Variants in HIBCH observed in about 807,000 individuals in gnomAD.
HIBCH encodes the protein 3-hydroxyisobutyryl-CoA hydrolase.
Under a neutral mutation model 58.2 loss-of-function variants are expected in HIBCH, and 50 were observed. That is an observed-to-expected ratio of 0.86 (90% CI 0.68 to 1.09). The LOEUF is 1.09. Among genes scored for constraint, HIBCH ranks in the 50% least tolerant of loss-of-function variants. HIBCH has a pLI of 0.00. For synonymous variants in HIBCH, 151 were observed against 146.9 expected (o/e 1.03, Z -0.20); for missense variants, 450 against 449.7 (o/e 1.00, Z -0.01).
chr2:190,258,589 C>G (rs1348698677), intron 7 of HIBCH, among the ~76,000 whole-genome samples: 2 of 152,182 alleles, frequency 1.3e-5, no homozygotes, highest in Admixed American at 6.5e-5. Flanking sequence ...ATCAGTGTAG[C>G]CTGGATGTTG....
chr2:190,242,189 T>C (rs1456982460), intron 11 of HIBCH, among the ~76,000 whole-genome samples: 16 of 151,994 alleles, frequency 1.1e-4, no homozygotes, highest in Admixed American at 1.0e-3. Flanking sequence ...AATCTTGTCT[T>C]CACATTTTAT....
chr2:190,286,862 T>TA (rs11380276), intron 6 of HIBCH, among the ~76,000 whole-genome samples: 82,043 of 147,094 alleles, frequency 0.56, 23,156 homozygotes, highest in South Asian at 0.61. Context: ...ATACTGAATT[T>TA]AAAAAAAAAA....
At chr2:190,276,116 C>T (rs1375847367) in intron 6 of HIBCH, among the ~76,000 whole-genome samples, 1 of 152,202 alleles carries the variant, frequency 6.6e-6, no homozygotes, top group Non-Finnish European at 1.5e-5. Context: ...AGTCAAAGCA[C>T]AAGCAGACTG....
Position 190,319,373 on chromosome 2 carries a change from C to G in HIBCH, c.35+343G>C, listed in dbSNP as rs532681199. Among the ~76,000 whole-genome samples the G allele has an allele frequency of 4.6e-5, 7 of 152,342 alleles. No homozygotes were observed. The East Asian group carries it at 1.4e-3, about 29-fold the overall frequency. On this transcript the variant is annotated intron_variant, in intron 1 of 13. Transcript: ENST00000359678. ...TGCTGGCTGCACAAAACATGCCGCA[C>G]AGTTCCGCTAAGCTAAATCTGTCCG... is the stretch of plus-strand genomic sequence containing the variant.
chr2:190,302,183 T>C (rs546886372), intron 2 of HIBCH, among the ~76,000 whole-genome samples: 1 of 152,334 alleles, frequency 6.6e-6, no homozygotes, highest in South Asian at 2.1e-4. Flanking sequence ...TCCCACAGGC[T>C]GGGAAACACA....
At position 190,214,565 on chromosome 2, in the gene HIBCH, T is replaced by C. The variant is rs1044887184; in HGVS notation, c.892-1490A>G. 10 of 152,224 alleles carry C rather than the reference T, an allele frequency of 6.6e-5. No homozygotes were observed. Among genetic ancestry groups the C allele is most frequent in the African/African-American group, 2.4e-4 (10 of 41,454 alleles). 9.4% of individuals were successfully genotyped at this position (152,224 alleles called of 1,614,324 possible). A position where few individuals can be genotyped will look rare whatever the true frequency, so the allele number is the denominator to read the frequency against. ...AGCCCATTTGTCAGCCTTTGGTCTT[T>C]TGGCCTAAGTTTGGCTCAGATGAGG... On this transcript the variant is annotated intron_variant, in intron 11 of 13. Coordinates refer to ENST00000359678, the MANE Select transcript of HIBCH (RefSeq NM_014362.4). This position sits in a 1 kb window ranked among gnomAD's most constrained non-coding sequence, Gnocchi z 5.5.
intron 6 of HIBCH, among the ~76,000 whole-genome samples, chr2:190,264,728 G>T (rs1294051434): frequency 6.6e-6 from 1 of 152,096 alleles, no homozygotes; most frequent in Non-Finnish European, 1.5e-5. Flanking sequence ...GCTATTTCAA[G>T]TAACAATTCA....
chr2:190,319,128 G>T (rs1324411921), intron 1 of HIBCH, among the ~76,000 whole-genome samples: 2 of 152,198 alleles, frequency 1.3e-5, no homozygotes, highest in African/African-American at 2.4e-5. Flanking sequence ...AAAGATGATG[G>T]CTACCAGATT....
chr2:190,299,263 TC>T (rs2124830318), intron 2 of HIBCH, among the ~76,000 whole-genome samples: 1 of 152,368 alleles, frequency 6.6e-6, no homozygotes, highest in East Asian at 1.9e-4. Context: ...GTTTAAGTTC[TC>T]CTTTATGAAA....
intron 6 of HIBCH, among the ~76,000 whole-genome samples, chr2:190,271,244 C>G (rs1371114203): frequency 6.7e-6 from 1 of 150,332 alleles, no homozygotes; most frequent in Non-Finnish European, 1.5e-5. Context: ...ATCTCCCTAT[C>G]TCCCTCTTAA....
Position 190,215,796 on chromosome 2 carries a change from T to A in HIBCH, c.892-2721A>T, listed in dbSNP as rs561767404. The A allele has an allele frequency of 6.6e-6, 1 of 152,492 alleles. No homozygotes were observed. The highest frequency in any genetic ancestry group is 2.1e-4 in the South Asian group (1 of 4,820). The allele number at this position is 152,492 out of a possible 1,614,324, so 9.4% of individuals were successfully genotyped here. ...ACCCTGAAGGCAAGGGAAAGCCTGG[T>A]GCACAGCTGTGTGTGTGGGAGCCAC... On this transcript the variant is annotated intron_variant, in intron 11 of 13. Coordinates refer to ENST00000359678, the MANE Select transcript of HIBCH (RefSeq NM_014362.4). This position sits in a 1 kb window ranked among gnomAD's most constrained non-coding sequence, Gnocchi z 4.4.
At chr2:190,311,273 T>C (rs781756233) in intron 1 of HIBCH, among the ~76,000 whole-genome samples, 38 of 152,186 alleles carry the variant, frequency 2.5e-4, no homozygotes, top group Middle Eastern at 3.4e-3. Flanking sequence ...TGCCAGGGGT[T>C]TGGGGGACGG....
In HIBCH at chr2:190,312,145, G is replaced by A. The variant is rs1384055932; in HGVS notation, c.36-1349C>T. 3.3e-5 allele frequency among the ~76,000 whole-genome samples: 5 copies of A among 152,170 alleles called. No homozygotes were observed. The East Asian group carries it at 7.7e-4, about 23-fold the overall frequency. ...ACGGCAGTGATTGAGAGAGGCATGA[G>A]GAGGGCCTCTGGAATGCTTGTTTCT... On this transcript the variant is annotated intron_variant, in intron 1 of 13. Coordinates refer to ENST00000359678, the MANE Select transcript of HIBCH (RefSeq NM_014362.4).
intron 11 of HIBCH, among the ~76,000 whole-genome samples, chr2:190,218,945 C>G (rs1685639640): frequency 6.6e-6 from 1 of 152,212 alleles, no homozygotes; most frequent in Admixed American, 6.5e-5. Context: ...TCAACTTGTA[C>G]CCACATCCTA....
chr2:190,249,780 A>G, intron 8 of HIBCH, 54 bp from the exon 9 acceptor site: 1 of 1,105,576 alleles, frequency 9.0e-7, no homozygotes, highest in Non-Finnish European at 1.4e-6. Context: ...GAAACATAGA[A>G]AGCTTTATAA....
chr2:190,292,515 T>C (rs1482049925), intron 4 of HIBCH, among the ~76,000 whole-genome samples: 1 of 152,230 alleles, frequency 6.6e-6, no homozygotes, highest in Non-Finnish European at 1.5e-5. Flanking sequence ...TTCACCACAT[T>C]GCCCAGGCTG....
chr2:190,257,043 G>A (rs1189748102), intron 7 of HIBCH, among the ~76,000 whole-genome samples: 1 of 152,150 alleles, frequency 6.6e-6, no homozygotes, highest in Non-Finnish European at 1.5e-5. Context: ...AGAAATAATG[G>A]CAGAAAATTT....
chr2:190,313,884 G>A (rs964909945), intron 1 of HIBCH, among the ~76,000 whole-genome samples: 12 of 152,136 alleles, frequency 7.9e-5, no homozygotes, highest in East Asian at 7.7e-4. Context: ...TTCTAAATAA[G>A]GTTTTCATAA....
chr2:190,193,297 T>TCA (rs2105877760), intron 1 of HIBCH, among the ~76,000 whole-genome samples: 1 of 152,306 alleles, frequency 6.6e-6, no homozygotes, highest in Non-Finnish European at 1.5e-5. Context: ...ATAAATCCAC[T>TCA]CAGTCATCAT....
Sources: gnomAD v4.1 joint callset for allele counts (sites outside exome capture counted in the v4.1 genomes callset) on GRCh38, gnomAD v4.1.1 for gene constraint, Gnocchi (gnomAD v3.1) non-coding constraint, MANE v1.5 for transcripts, NCBI Gene and HGNC (gene_info 2026-07-23, HGNC 2026-07-21) for gene names.